SP4: variants seen among roughly 807,000 people sequenced by gnomAD.
The protein encoded by SP4 is transcription factor Sp4.
Under a neutral mutation model 72.8 loss-of-function variants are expected in SP4, and 19 were observed. The observed-to-expected ratio is 0.26, with a 90% CI of 0.18 to 0.38. The LOEUF is 0.38. SP4 is among the 10% of genes least tolerant of loss of function. The probability of loss-of-function intolerance (pLI) is 1.00; values close to 1 mark genes in which losing one functional copy is unlikely to be tolerated. For synonymous variants in SP4, 395 were observed against 333.1 expected (o/e 1.19, Z -2.02); for missense variants, 1,008 against 926.3 (o/e 1.09, Z -1.14).
intron 5 of SP4, among the ~76,000 whole-genome samples, chr7:21,502,821 G>A (rs1447981980): frequency 6.6e-6 from 1 of 152,112 alleles, no homozygotes. Flanking sequence ...AGAATAAATC[G>A]CCCTACAGGG....
chr7:21,509,684 C>T (rs1269996844), intron 5 of SP4, among the ~76,000 whole-genome samples: 4 of 151,402 alleles, frequency 2.6e-5, no homozygotes, highest in African/African-American at 4.9e-5. Flanking sequence ...AAAGCACACA[C>T]GTAAAGAAAA....
intron 5 of SP4, among the ~76,000 whole-genome samples, chr7:21,493,017 T>C (rs1007628854): frequency 6.6e-6 from 1 of 151,996 alleles, no homozygotes; most frequent in African/African-American, 2.4e-5. Flanking sequence ...CTGGCCAACA[T>C]GGTGAAACCC....
At chr7:21,487,598 A>G (rs1272461013) in intron 5 of SP4, among the ~76,000 whole-genome samples, 1 of 151,900 alleles carries the variant, frequency 6.6e-6, no homozygotes. Flanking sequence ...TTCTCATTGT[A>G]TGGATGCAGG....
At chr7:21,446,340 C>A (rs1231847891) in intron 3 of SP4, among the ~76,000 whole-genome samples, 1 of 152,118 alleles carries the variant, frequency 6.6e-6, no homozygotes, top group South Asian at 2.1e-4. Flanking sequence ...TCTTTGGCAG[C>A]TGTCTGAACT....
At position 21,491,134 on chromosome 7, in the gene SP4, T is replaced by C. The variant is rs570205381; in HGVS notation, c.2107+9011T>C. ...GATAAGACCTTTAAAGCAGCTCTTA[T>C]AGCCATGATCCATGGACTAAAGATA... On this transcript the variant is annotated intron_variant, in intron 5 of 5. Coordinates refer to ENST00000222584, the MANE Select transcript of SP4 (RefSeq NM_003112.5). Among the ~76,000 whole-genome samples the C allele has an allele frequency of 5.8e-4, 89 of 152,294 alleles. 1 individual carries two copies. The South Asian group carries it at 0.011, about 18-fold the overall frequency.
intron 3 of SP4, among the ~76,000 whole-genome samples, chr7:21,451,986 T>C (rs563130228): frequency 3.9e-5 from 6 of 152,328 alleles, no homozygotes; most frequent in Non-Finnish European, 8.8e-5. Context: ...AATTAGAATA[T>C]TGACCCAGAT....
At chr7:21,494,191 G>C (rs923789252) in intron 5 of SP4, among the ~76,000 whole-genome samples, 1 of 152,196 alleles carries the variant, frequency 6.6e-6, no homozygotes, top group Admixed American at 6.5e-5. Context: ...TCTTAATGAT[G>C]AAGGACCTTT....
At chr7:21,510,361 TAGTTAACATTAAACTAGCTTTTA>T (rs752862926) in intron 5 of SP4, among the ~76,000 whole-genome samples, 2,159 of 151,154 alleles carry the variant, frequency 0.014, 42 homozygotes, top group African/African-American at 0.051. Context: ...TTTTTGTTTT[TAGTTAACATTAAACTAGCTTTTA>T]TTCCAAAACA....
intron 3 of SP4, among the ~76,000 whole-genome samples, chr7:21,439,822 C>T (rs1345294148): frequency 6.6e-6 from 1 of 152,148 alleles, no homozygotes; most frequent in Non-Finnish European, 1.5e-5. Flanking sequence ...TGCTTGAACT[C>T]AAGAGTTCTG....
chr7:21,454,789 G>C (rs1051896204), intron 3 of SP4, among the ~76,000 whole-genome samples: 2 of 152,176 alleles, frequency 1.3e-5, no homozygotes, highest in African/African-American at 4.8e-5. Flanking sequence ...TTTCTGAAGA[G>C]AAATGGGGCT....
Position 21,511,276 on chromosome 7 carries a change from A to G in SP4, c.*7A>G, listed in dbSNP as rs759959465. 30 of 1,613,032 alleles carry G rather than the reference A, an allele frequency of 1.9e-5. No homozygotes were observed. The East Asian group carries it at 6.5e-4, about 35-fold the overall frequency. ...CAACATGGAAGAATTCTGAAAAGTT[A>G]TTTATAACAGAGACCTCTAGTGCTG... On this transcript the variant is annotated 3_prime_UTR_variant, in exon 6 of 6. Transcript: ENST00000222584.
intron 3 of SP4, among the ~76,000 whole-genome samples, chr7:21,447,674 G>T (rs1003484174): frequency 1.3e-5 from 2 of 152,156 alleles, no homozygotes; most frequent in Non-Finnish European, 2.9e-5. Context: ...GATTCTAGCT[G>T]CTGTCTTGGG....
chr7:21,435,767 C>T (rs1294291449), intron 3 of SP4, among the ~76,000 whole-genome samples: 1 of 151,838 alleles, frequency 6.6e-6, no homozygotes, highest in Non-Finnish European at 1.5e-5. Flanking sequence ...AACTACCAAG[C>T]TGGCTTTACC....
chr7:21,493,536 A>G (rs1785030893), intron 5 of SP4, among the ~76,000 whole-genome samples: 1 of 148,850 alleles, frequency 6.7e-6, no homozygotes, highest in African/African-American at 2.4e-5. Flanking sequence ...GAAATAATAA[A>G]GAGTAGAAAT....
At chr7:21,507,900 C>A (rs1027416269) in intron 5 of SP4, among the ~76,000 whole-genome samples, 1 of 152,080 alleles carries the variant, frequency 6.6e-6, no homozygotes, top group African/African-American at 2.4e-5. Flanking sequence ...AGAACGGAAC[C>A]ATGGATTGGG....
chr7:21,449,765 T>C (rs561990241), intron 3 of SP4, among the ~76,000 whole-genome samples: 2 of 152,306 alleles, frequency 1.3e-5, no homozygotes, highest in South Asian at 2.1e-4. Flanking sequence ...CCTTTAGTTA[T>C]TGGCAAACCA....
intron 3 of SP4, chr7:21,471,170 G>A (rs749363111): frequency 1.9e-6 from 1 of 532,986 alleles, no homozygotes; most frequent in Non-Finnish European, 3.9e-6. Flanking sequence ...ATAAAACTAA[G>A]CAGGAGTTAG....
intron 5 of SP4, among the ~76,000 whole-genome samples, chr7:21,497,285 TC>T (rs1781735145): frequency 6.6e-6 from 1 of 151,990 alleles, no homozygotes; most frequent in Non-Finnish European, 1.5e-5. Flanking sequence ...TTCCACCCCC[TC>T]TAGTGGCTGC....
intron 3 of SP4, among the ~76,000 whole-genome samples, chr7:21,468,231 C>T (rs1784227759): frequency 6.6e-6 from 1 of 152,066 alleles, no homozygotes; most frequent in Admixed American, 6.5e-5. Context: ...TATCTTTATT[C>T]TACTATTCTG....
Sources: gnomAD v4.1 joint callset for allele counts (sites outside exome capture counted in the v4.1 genomes callset) on GRCh38, gnomAD v4.1.1 for gene constraint, MANE v1.5 for transcripts, NCBI Gene and HGNC (gene_info 2026-07-23, HGNC 2026-07-21) for gene names.